The following NR5A1 variants were observed in gnomAD, a reference collection of about 807,000 sequenced individuals.
NR5A1 encodes nuclear receptor subfamily 5 group A member 1, also known as steroidogenic factor 1.
A neutral mutation model predicts 42.7 loss-of-function variants in NR5A1; 6 were observed. That is an observed-to-expected ratio of 0.14 (90% CI 0.08 to 0.28). The LOEUF (loss-of-function observed/expected upper bound fraction) is 0.28, where lower values mean the gene tolerates loss of function less well. NR5A1 is among the 10% of genes least tolerant of loss of function. NR5A1 has a pLI of 1.00. For synonymous variants in NR5A1, 274 were observed against 277.5 expected (o/e 0.99, Z 0.12); for missense variants, 442 against 626.4 (o/e 0.71, Z 3.14).
chr9:124,489,015 G>C (rs1395163284), intron 6 of NR5A1, among the ~76,000 whole-genome samples: 1 of 152,232 alleles, frequency 6.6e-6, no homozygotes. Flanking sequence ...TTCCAGTTTT[G>C]AGCACGCCCA....
intron 5 of NR5A1, 131 bp from the exon 6 acceptor site, chr9:124,491,359 C>T: frequency 2.8e-6 from 2 of 711,460 alleles, no homozygotes; most frequent in South Asian, 1.9e-5. Flanking sequence ...GTCAGGAGGG[C>T]CCAGCCTTGG....
chr9:124,493,024 G>A lies in NR5A1; in HGVS notation c.990+6C>T, dbSNP rs1297341852. ...GGCCCAGGGGCGGGGCCGAGGGACT[G>A]GTCACCTCCTGCCCGGTGACCAGCA... On this transcript the variant is annotated splice_donor_region_variant and intron_variant, in intron 5 of 6. Coordinates refer to ENST00000373588, the MANE Select transcript of NR5A1 (RefSeq NM_004959.5). The A allele has an allele frequency of 6.3e-7, 1 of 1,590,844 alleles. No homozygotes were observed. Among genetic ancestry groups the A allele is most frequent in the African/African-American group, 1.3e-5 (1 of 74,794 alleles).
At chr9:124,505,830 G>A (rs1832549839) in intron 1 of NR5A1, among the ~76,000 whole-genome samples, 1 of 152,170 alleles carries the variant, frequency 6.6e-6, no homozygotes, top group Admixed American at 6.5e-5. Flanking sequence ...GGGGTTCCCG[G>A]GCCTATGGGC....
chr9:124,499,560 C>T (rs1479958896), intron 4 of NR5A1, among the ~76,000 whole-genome samples: 2 of 152,154 alleles, frequency 1.3e-5, no homozygotes, highest in East Asian at 3.9e-4. Context: ...TAAGAGCCCC[C>T]ATCTGTGTGT....
intron 5 of NR5A1, 126 bp from the exon 6 acceptor site, chr9:124,491,354 G>A (rs1832306327): frequency 6.8e-6 from 5 of 736,676 alleles, no homozygotes; most frequent in Non-Finnish European, 1.1e-5. Flanking sequence ...CTGGCGTCAG[G>A]AGGGCCCAGC....
At chr9:124,506,300 C>T (rs546544641) in intron 1 of NR5A1, among the ~76,000 whole-genome samples, 1 of 152,306 alleles carries the variant, frequency 6.6e-6, no homozygotes, top group Admixed American at 6.5e-5. Context: ...TGGGGTACTG[C>T]GGTTTCCATG....
intron 1 of NR5A1, among the ~76,000 whole-genome samples, chr9:124,504,795 C>G (rs1832526515): frequency 6.8e-6 from 1 of 146,410 alleles, no homozygotes; most frequent in East Asian, 2.0e-4. Flanking sequence ...CGCCCGCCCG[C>G]GATGACGGCC....
At chr9:124,483,712 T>G (rs1832165149) in intron 6 of NR5A1, among the ~76,000 whole-genome samples, 1 of 152,180 alleles carries the variant, frequency 6.6e-6, no homozygotes, top group African/African-American at 2.4e-5. Context: ...TCTGCCACCA[T>G]CACCACTGTC....
chr9:124,488,574 A>C (rs1349665048), intron 6 of NR5A1, among the ~76,000 whole-genome samples: 1 of 152,202 alleles, frequency 6.6e-6, no homozygotes, highest in Admixed American at 6.5e-5. Flanking sequence ...TATGCACATT[A>C]ACTTAATAAT....
chr9:124,491,280 C>G (rs1396679425), intron 5 of NR5A1, 52 bp from the exon 6 acceptor site: 1 of 1,462,402 alleles, frequency 6.8e-7, no homozygotes. Flanking sequence ...TGGGTCCGGG[C>G]AGGTGGCTCT....
At chr9:124,502,213 C>T (rs923461338) in intron 3 of NR5A1, among the ~76,000 whole-genome samples, 1 of 152,026 alleles carries the variant, frequency 6.6e-6, no homozygotes, top group Non-Finnish European at 1.5e-5. Context: ...AACGCCTAGG[C>T]ACCTTCAGCT....
chr9:124,488,025 C>T (rs529820928), intron 6 of NR5A1, among the ~76,000 whole-genome samples: 1 of 152,158 alleles, frequency 6.6e-6, no homozygotes, highest in Non-Finnish European at 1.5e-5. Context: ...AGCTCCTGTC[C>T]CCTCGCCAGC....
Position 124,503,067 on chromosome 9 carries a change from C to T in NR5A1, c.244+12G>A, listed in dbSNP as rs1171805871. The T allele has an allele frequency of 1.3e-6, 2 of 1,563,238 alleles. No individual in the cohort carries two copies. The highest frequency in any genetic ancestry group is 1.7e-6 in the Non-Finnish European group (2 of 1,158,298). On this transcript the variant is annotated intron_variant, in intron 3 of 6. Transcript: ENST00000373588. This position sits in a 1 kb window ranked among gnomAD's most constrained non-coding sequence, Gnocchi z 9.6. ...GTGGGGGGTCAGGGGTCGAGGCCCG[C>T]GCGGCGCGCACCTTCCAGGCGCATC...
chr9:124,502,415 G>A (rs928548), intron 3 of NR5A1, among the ~76,000 whole-genome samples: 21,592 of 151,822 alleles, frequency 0.14, 4,633 homozygotes, highest in African/African-American at 0.47. Flanking sequence ...CTGCAGCCTC[G>A]ACTTTCCAGG....
chr9:124,491,036 C>CCCCCCCAGG, intron 6 of NR5A1, 45 bp downstream of exon 6: 31 of 1,401,556 alleles, frequency 2.2e-5, no homozygotes, highest in East Asian at 3.0e-5. Flanking sequence ...CCCACCCACC[C>CCCCCCCAGG]GCCTCTGGCT....
chr9:124,482,800 G>GCGGGGC lies in NR5A1; in HGVS notation c.1338_1343dup (p.Pro447_Arg448dup). 6.3e-7 allele frequency: 1 copy of GCGGGGC among 1,597,352 alleles called. No homozygotes were observed. The highest frequency in any genetic ancestry group is 8.5e-7 in the Non-Finnish European group (1 of 1,173,636). ...GCAGCATTTCGATGAGCAGGTTGTTGCGGGGCATCTCGTTGCCCAGGTGCT... is the reference window on the plus strand; with the variant it reads ...GCAGCATTTCGATGAGCAGGTTGTTGCGGGGCCGGGGCATCTCGTTGCCCAGGTGCT... On this transcript the variant is annotated inframe_insertion, in exon 7 of 7. Transcript: ENST00000373588.
chr9:124,482,814 T>C lies in NR5A1; in HGVS notation c.1330A>G (p.Asn444Asp). 6.2e-7 allele frequency: 1 copy of C among 1,607,414 alleles called. No individual in the cohort carries two copies. Among genetic ancestry groups the C allele is most frequent in the Non-Finnish European group, 8.5e-7 (1 of 1,176,274 alleles). Residue 444 changes from asparagine (N) to aspartate (D), a missense_variant, in exon 7 of 7, where the codon AAC (asparagine) becomes GAC (aspartate). Physicochemically the swap from Asn to Asp is conservative, Grantham distance 23. Coordinates refer to ENST00000373588, the MANE Select transcript of NR5A1 (RefSeq NM_004959.5). ...AGCAGGTTGTTGCGGGGCATCTCGT[T>C]GCCCAGGTGCTTGTGGTACAGGTAC... ...KEYLYHKHLG[N>D]EMPRNNLLIE...
chr9:124,497,650 C>T (rs899660211), intron 4 of NR5A1, among the ~76,000 whole-genome samples: 4 of 152,146 alleles, frequency 2.6e-5, no homozygotes, highest in African/African-American at 9.7e-5. Context: ...CTCCCTGACC[C>T]GGAACCTGGA....
In NR5A1 at chr9:124,506,016, A is replaced by G. The variant is rs114534288; in HGVS notation, c.-16+1233T>C. 2.5e-3 allele frequency among the ~76,000 whole-genome samples: 383 copies of G among 152,314 alleles called. 2 individuals carry two copies. Among genetic ancestry groups the G allele is most frequent in the African/African-American group, 8.8e-3 (364 of 41,558 alleles). ...AGCTGCGATCTTCAAGCAGGAAAAT[A>G]CCGCAATTTTGCATTGACAGCGGCG... is the stretch of plus-strand genomic sequence containing the variant. On this transcript the variant is annotated intron_variant, in intron 1 of 6. Transcript: ENST00000373588.
Sources: gnomAD v4.1 joint callset for allele counts (sites outside exome capture counted in the v4.1 genomes callset) on GRCh38, gnomAD v4.1.1 for gene constraint, Gnocchi (gnomAD v3.1) non-coding constraint, MANE v1.5 for transcripts, NCBI Gene and HGNC (gene_info 2026-07-23, HGNC 2026-07-21) for gene names.